The following BRCA2 variants were observed in gnomAD, a reference collection of about 807,000 sequenced individuals.
The protein encoded by BRCA2 is breast cancer type 2 susceptibility protein.
BRCA2 carries 203 observed loss-of-function variants against 276.7 expected under a neutral mutation model. The ratio of observed to expected loss-of-function variants is 0.73; its 90% CI spans 0.65 to 0.82. BRCA2 has a LOEUF of 0.82. Ranked by LOEUF, BRCA2 falls within the 40% of genes least tolerant of loss-of-function variation. The probability of loss-of-function intolerance (pLI) is 0.00; values close to 1 mark genes in which losing one functional copy is unlikely to be tolerated. For missense variants in BRCA2, 3,920 were observed against 3,915.0 expected, an observed-to-expected ratio of 1.00 and a Z score of -0.03; for synonymous variants, 1,289 against 1,338.4, an observed-to-expected ratio of 0.96 and a Z score of 0.81.
chr13:32,323,191 C>T (rs573947325), intron 3 of BRCA2, among the ~76,000 whole-genome samples: 6 of 137,838 alleles, frequency 4.4e-5, no homozygotes, highest in South Asian at 2.2e-4. Context: ...CTCGCTTTGT[C>T]GCCCAGGCTG....
intron 11 of BRCA2, among the ~76,000 whole-genome samples, chr13:32,344,341 T>C (rs555816179): frequency 6.6e-6 from 1 of 152,260 alleles, no homozygotes; most frequent in South Asian, 2.1e-4. Flanking sequence ...CCCTGTTAAA[T>C]AGTGGTGTTT....
rs549269828 is a variant in BRCA2 at position 32,330,991 on chromosome 13, G to C, written c.754G>C (p.Asp252His). 1.2e-6 allele frequency: 2 copies of C among 1,613,472 alleles called. No individual in the cohort carries two copies. The highest frequency in any genetic ancestry group is 1.7e-6 in the Non-Finnish European group (2 of 1,179,528). The change falls in exon 9 of 27, where the codon GAC becomes CAC. Residue 252 changes from aspartate (D) to histidine (H), a missense_variant. Physicochemically the swap from Asp to His is moderately conservative, Grantham distance 81. This residue lies in a region of BRCA2 where 3,263 missense variants were observed against 3,156.9 expected (regional missense o/e 1.03). Coordinates refer to ENST00000380152, the MANE Select transcript of BRCA2 (RefSeq NM_000059.4). Reference protein sequence around the residue: ...KNDRFIASVTDSENTNQREAA... With the variant: ...KNDRFIASVTHSENTNQREAA... ...TGATAGATTTATCGCTTCTGTGACA[G>C]ACAGTGAAAACACAAATCAAAGAGA... is the stretch of plus-strand genomic sequence containing the variant.
chr13:32,392,179 AT>A (rs1424158899), intron 24 of BRCA2, among the ~76,000 whole-genome samples: 1 of 152,250 alleles, frequency 6.6e-6, no homozygotes, highest in Non-Finnish European at 1.5e-5. Flanking sequence ...ATCATTTGCA[AT>A]AGAATAAACA....
intron 16 of BRCA2, among the ~76,000 whole-genome samples, chr13:32,359,996 G>A (rs1196536315): frequency 6.6e-6 from 1 of 152,184 alleles, no homozygotes; most frequent in Admixed American, 6.5e-5. Context: ...TATGTTAGAA[G>A]AAGATACATA....
chr13:32,397,178 G>T, intron 26 of BRCA2, 134 bp downstream of exon 26: 1 of 1,003,082 alleles, frequency 1.0e-6, no homozygotes, highest in East Asian at 2.5e-5. Flanking sequence ...TGTGGCTCCT[G>T]TAAGTATAGT....
At chr13:32,354,283 G>A (rs771078865) in intron 13 of BRCA2, among the ~76,000 whole-genome samples, 2 of 152,078 alleles carry the variant, frequency 1.3e-5, no homozygotes, top group African/African-American at 2.4e-5. Flanking sequence ...TTGAGGAAGT[G>A]AAAATAGCTA....
intron 10 of BRCA2, among the ~76,000 whole-genome samples, chr13:32,335,537 T>G (rs573073941): frequency 3.3e-5 from 5 of 152,334 alleles, no homozygotes; most frequent in African/African-American, 9.6e-5. Context: ...GTTTTGTTTT[T>G]TTCAATGTGA....
intron 24 of BRCA2, 68 bp from the exon 25 acceptor site, chr13:32,394,621 C>G (rs894212109): frequency 3.5e-5 from 54 of 1,544,380 alleles, no homozygotes; most frequent in Non-Finnish European, 4.0e-5. Flanking sequence ...TTAGAGTTTC[C>G]TTTCTTGCAT....
At chr13:32,329,598 C>T (rs374261215) in intron 8 of BRCA2, 106 bp downstream of exon 8, 1 of 944,378 alleles carries the variant, frequency 1.1e-6, no homozygotes, top group Admixed American at 2.2e-5. Flanking sequence ...TGTAATTTAT[C>T]TAAGCCTTTG....
At chr13:32,323,801 T>C (rs918431028) in intron 3 of BRCA2, among the ~76,000 whole-genome samples, 166 of 152,334 alleles carry the variant, frequency 1.1e-3, no homozygotes, top group African/African-American at 3.8e-3. Context: ...GTGCCAAATT[T>C]GTAGTTACCA....
chr13:32,390,808 A>G (rs2072991837), intron 24 of BRCA2, among the ~76,000 whole-genome samples: 1 of 152,190 alleles, frequency 6.6e-6, no homozygotes, highest in Non-Finnish European at 1.5e-5. Context: ...TTGGATTTCT[A>G]CTTCCACTTC....
rs778192937 is a variant in BRCA2, at chr13:32,338,757, T to A, written c.4402T>A (p.Ser1468Thr). Residue 1468 changes from serine to threonine, a missense_variant, in exon 11 of 27, where the codon TCT becomes ACT. Ser to Thr is a moderately conservative substitution (Grantham distance 58). This residue lies in a region of BRCA2 where 3,263 missense variants were observed against 3,156.9 expected (regional missense o/e 1.03). Transcript: ENST00000380152. ...CTTTTCCTTAAATTCTGAATTACAT[T>A]CTGACATAAGAAAGAACAAAATGGA... ...HNFSLNSELHSDIRKNKMDIL... is the reference protein window; with the variant it reads ...HNFSLNSELHTDIRKNKMDIL... The A allele has an allele frequency of 6.2e-7, 1 of 1,607,982 alleles. No individual in the cohort carries two copies. Among genetic ancestry groups the A allele is most frequent in the Non-Finnish European group, 8.5e-7 (1 of 1,176,406 alleles).
At chr13:32,348,653 G>A (rs11571687) in intron 13 of BRCA2, among the ~76,000 whole-genome samples, 3 of 152,180 alleles carry the variant, frequency 2.0e-5, no homozygotes, top group South Asian at 2.1e-4. Context: ...TCTCTTGTGC[G>A]CTTTTCTCAG....
chr13:32,399,151 AAG>A lies in BRCA2; in HGVS notation c.*382_*383del. ...CCCCCATCTTTACAAAGAAAAAAAA[AAG>A]GGGAAAAGAAAATCTTTTAAATCTT... On this transcript the variant is annotated 3_prime_UTR_variant, in exon 27 of 27. Transcript: ENST00000380152. The A allele has an allele frequency of 4.2e-6, 1 of 239,722 alleles. No homozygotes were observed. Among genetic ancestry groups the A allele is most frequent in the Non-Finnish European group, 8.1e-6 (1 of 122,910 alleles). The allele number at this position is 239,722 out of a possible 1,614,324, so 14.8% of individuals were successfully genotyped here.
chr13:32,340,234 G>A lies in BRCA2; in HGVS notation c.5879G>A (p.Cys1960Tyr), dbSNP rs56157628. The A allele has an allele frequency of 6.3e-5, 101 of 1,613,870 alleles. No individual in the cohort carries two copies. The African/African-American group carries it at 1.3e-3, about 20-fold the overall frequency. ...VSLETSDICKCSIGKLHKSVS... is the reference protein window; with the variant it reads ...VSLETSDICKYSIGKLHKSVS... The stretch of plus-strand genomic sequence containing the variant: ...TTGGAAACTTCAGATATATGTAAAT[G>A]TAGTATAGGGAAGCTTCATAAGTCA... The change falls in exon 11 of 27, where the codon TGT (cysteine) becomes TAT (tyrosine). Residue 1960 changes from cysteine (C) to tyrosine (Y), a missense_variant. Coordinates refer to ENST00000380152, the MANE Select transcript of BRCA2 (RefSeq NM_000059.4).
Position 32,333,258 on chromosome 13 carries a change from A to G in BRCA2, c.1780A>G (p.Ile594Val), listed in dbSNP as rs431825287. Residue 594 changes from isoleucine (I) to valine (V), a missense_variant, in exon 10 of 27, where the codon ATA becomes GTA. Physicochemically the swap from Ile to Val is conservative, Grantham distance 29 (BLOSUM62 3). This residue lies in a region of BRCA2 where 3,263 missense variants were observed against 3,156.9 expected (regional missense o/e 1.03). Coordinates refer to ENST00000380152, the MANE Select transcript of BRCA2 (RefSeq NM_000059.4). ...KKKTNKFIYA[I>V]HDETSYKGKK... ...GAAAACAAATAAGTTTATTTATGCT[A>G]TACATGATGAAACATCTTATAAAGG... is the stretch of plus-strand genomic sequence containing the variant. The G allele has an allele frequency of 3.7e-6, 6 of 1,610,032 alleles. 1 individual carries two copies. Among genetic ancestry groups the G allele is most frequent in the South Asian group, 2.2e-5 (2 of 90,116 alleles).
At chr13:32,317,173 T>C (rs1040972574) in intron 2 of BRCA2, among the ~76,000 whole-genome samples, 3 of 152,216 alleles carry the variant, frequency 2.0e-5, no homozygotes, top group African/African-American at 7.2e-5. Context: ...CACTCTAGCC[T>C]GGGCCACATA....
chr13:32,362,789 C>A, intron 17 of BRCA2, 96 bp downstream of exon 17: 1 of 1,371,864 alleles, frequency 7.3e-7, no homozygotes, highest in Non-Finnish European at 1.0e-6. Context: ...TTGCACAAGC[C>A]AGTTGTCAGT....
chr13:32,342,835 C>G (rs1024558411), intron 11 of BRCA2, among the ~76,000 whole-genome samples: 25 of 152,128 alleles, frequency 1.6e-4, no homozygotes, highest in Non-Finnish European at 3.2e-4. Flanking sequence ...CACCTGAGGT[C>G]AGGAGTTTGA....
Sources: allele counts gnomAD v4.1 joint callset (sites outside exome capture counted in the v4.1 genomes callset), GRCh38; gene constraint gnomAD v4.1.1; regional missense constraint gnomAD v4.1.1; transcripts MANE v1.5; gene names NCBI Gene and HGNC (gene_info 2026-07-23, HGNC 2026-07-21).